CUBN: variants seen among roughly 807,000 people sequenced by gnomAD.
The protein encoded by CUBN is cubilin, also known as 460 kDa receptor.
In CUBN, 282 loss-of-function variants were observed where a neutral mutation model predicts 405.3. The ratio of observed to expected loss-of-function variants is 0.70; its 90% CI spans 0.63 to 0.77. CUBN has a LOEUF of 0.77. Ranked by LOEUF, CUBN falls within the 30% of genes least tolerant of loss-of-function variation. The pLI, the probability that CUBN is intolerant of heterozygous loss-of-function variation, is 0.00. For missense variants in CUBN, 4,514 were observed against 4,475.2 expected (o/e 1.01, Z -0.25); for synonymous variants, 1,684 against 1,617.0 (o/e 1.04, Z -0.99).
rs1320524546 is a variant in CUBN at position 17,008,463 on chromosome 10, T to TGTGTGTGTGTGC, written c.4168+11369_4168+11370insGCACACACACAC. Among the ~76,000 whole-genome samples the TGTGTGTGTGTGC allele has an allele frequency of 9.6e-5, 14 of 145,660 alleles. No homozygotes were observed. In the South Asian group the frequency reaches 2.8e-3, roughly 30 times the overall value. On this transcript the variant is annotated intron_variant, in intron 28 of 66. Transcript: ENST00000377833. The stretch of plus-strand genomic sequence containing the variant: ...GTGTGTGTGTGTGTGTGTGTGTGTG[T>TGTGTGTGTGTGC]GCGCGCTTAGCCACATTATGTGCTT...
At chr10:16,983,609 T>C (rs1304777914) in intron 30 of CUBN, among the ~76,000 whole-genome samples, 1 of 152,242 alleles carries the variant, frequency 6.6e-6, no homozygotes, top group African/African-American at 2.4e-5. Flanking sequence ...TTGCATATGC[T>C]AACATCTGTT....
intron 21 of CUBN, among the ~76,000 whole-genome samples, chr10:17,066,002 T>C (rs940398185): frequency 1.3e-5 from 2 of 152,196 alleles, no homozygotes; most frequent in African/African-American, 2.4e-5. Context: ...GAGTCATCTC[T>C]CTAATCTAAA....
At chr10:17,122,500 C>T in intron 6 of CUBN, 1 of 455,304 alleles carries the variant, frequency 2.2e-6, no homozygotes, top group Non-Finnish European at 4.3e-6. Context: ...AAGTCTTCAG[C>T]TCCTTTTGCA....
At chr10:16,832,750 G>A (rs10904824) in intron 64 of CUBN, among the ~76,000 whole-genome samples, 20,133 of 152,134 alleles carry the variant, frequency 0.13, 1,564 homozygotes, top group African/African-American at 0.21. Context: ...CTTGAAAGGG[G>A]AGGTGAAGGC....
intron 38 of CUBN, among the ~76,000 whole-genome samples, 171 bp downstream of exon 38, chr10:16,938,792 T>C (rs1374159077): frequency 6.6e-6 from 1 of 152,060 alleles, no homozygotes; most frequent in Non-Finnish European, 1.5e-5. Context: ...ATAAATACAA[T>C]ACTGAAATTG....
At chr10:17,015,749 T>C (rs540559215) in intron 28 of CUBN, among the ~76,000 whole-genome samples, 64 of 152,308 alleles carry the variant, frequency 4.2e-4, no homozygotes, top group African/African-American at 1.4e-3. Flanking sequence ...CTTCCAGTGA[T>C]TGCCTCAGCA....
intron 59 of CUBN, among the ~76,000 whole-genome samples, chr10:16,867,594 G>T (rs1251608717): frequency 6.6e-6 from 1 of 152,172 alleles, no homozygotes; most frequent in Non-Finnish European, 1.5e-5. Context: ...CATTTATGCA[G>T]ATGAAAAAGA....
At chr10:16,940,956 C>G (rs1006192870) in intron 36 of CUBN, among the ~76,000 whole-genome samples, 13 of 152,242 alleles carry the variant, frequency 8.5e-5, no homozygotes, top group Admixed American at 7.9e-4. Flanking sequence ...TGAATGTGAC[C>G]TATTCAACTT....
rs552757380 is a variant in CUBN, at chr10:16,858,902, T to C, written c.9455-7459A>G. 2.0e-5 allele frequency among the ~76,000 whole-genome samples: 3 copies of C among 152,352 alleles called. No homozygotes were observed. The East Asian group carries it at 5.8e-4, about 29-fold the overall frequency. ...GGACAGCCTTTTCAACCAATGGTGC[T>C]AGAGCAATTGGACATCCAGAGGCAA... On this transcript the variant is annotated intron_variant, in intron 59 of 66. Coordinates refer to ENST00000377833, the MANE Select transcript of CUBN (RefSeq NM_001081.4).
intron 54 of CUBN, among the ~76,000 whole-genome samples, chr10:16,896,211 T>C (rs974246902): frequency 2.0e-5 from 3 of 152,208 alleles, no homozygotes; most frequent in Non-Finnish European, 4.4e-5. Flanking sequence ...ACAAGCTTTA[T>C]GGGGAAAAGG....
chr10:17,095,674 CA>C (rs2131291390), intron 14 of CUBN, among the ~76,000 whole-genome samples: 1 of 152,078 alleles, frequency 6.6e-6, no homozygotes, highest in African/African-American at 2.4e-5. Flanking sequence ...ATATTTAAAA[CA>C]ATATGGAGGT....
At position 16,939,104 on chromosome 10, in the gene CUBN, G is replaced by A; in HGVS notation, c.5592C>T (p.Ala1864=). Residue 1864 remains alanine (A), a synonymous_variant, in exon 38 of 67, where the codon GCC becomes GCT. Coordinates refer to ENST00000377833, the MANE Select transcript of CUBN (RefSeq NM_001081.4). ...DNIVGTHGKV[A]SPFWPENYPH... is the part of the protein sequence containing the mutation. Reference sequence around the variant, plus strand: ...GGTAGTTTTCAGGCCAGAAAGGAGAGGCGACTTTCCCATGAGTTCCCACAA... The same window carrying A: ...GGTAGTTTTCAGGCCAGAAAGGAGAAGCGACTTTCCCATGAGTTCCCACAA... 1 of 1,613,942 alleles carries A rather than the reference G, an allele frequency of 6.2e-7. No homozygotes were observed. Among genetic ancestry groups the A allele is most frequent in the East Asian group, 2.2e-5 (1 of 44,864 alleles).
intron 22 of CUBN, among the ~76,000 whole-genome samples, chr10:17,064,345 A>AT (rs1835565739): frequency 1.3e-5 from 2 of 152,162 alleles, no homozygotes; most frequent in Non-Finnish European, 2.9e-5. Context: ...ATTGGGTAAG[A>AT]TTTTGAGTGG....
chr10:17,065,748 T>A, intron 21 of CUBN, 110 bp from the exon 22 acceptor site: 1 of 1,280,032 alleles, frequency 7.8e-7, no homozygotes, highest in Non-Finnish European at 1.1e-6. Flanking sequence ...GTTCTCTACC[T>A]CTCATCAACC....
intron 41 of CUBN, among the ~76,000 whole-genome samples, 200 bp downstream of exon 41, chr10:16,927,957 C>T (rs371795552): frequency 4.4e-4 from 67 of 152,098 alleles, no homozygotes; most frequent in Admixed American, 3.7e-3. Context: ...CACTTTTGTA[C>T]GACTTGGCCC....
intron 28 of CUBN, among the ~76,000 whole-genome samples, chr10:17,004,414 T>G (rs963620353): frequency 1.3e-5 from 2 of 152,232 alleles, no homozygotes; most frequent in East Asian, 1.9e-4. Context: ...CCTCACCTAA[T>G]TTTTATACTG....
In CUBN at chr10:16,989,271, C is replaced by T. The variant is rs547460719; in HGVS notation, c.4350+1063G>A. 2.0e-5 allele frequency among the ~76,000 whole-genome samples: 3 copies of T among 151,326 alleles called. No individual in the cohort carries two copies. The South Asian group carries it at 6.2e-4, about 32-fold the overall frequency. ...CAAAGTATACATAATAAATGTGTTACATACATGTAACTATATATAACATAT... is the reference window on the plus strand; with the variant it reads ...CAAAGTATACATAATAAATGTGTTATATACATGTAACTATATATAACATAT... On this transcript the variant is annotated intron_variant, in intron 29 of 66. Coordinates refer to ENST00000377833, the MANE Select transcript of CUBN (RefSeq NM_001081.4).
intron 27 of CUBN, among the ~76,000 whole-genome samples, chr10:17,028,716 G>A (rs1834727589): frequency 1.3e-5 from 2 of 148,150 alleles, no homozygotes; most frequent in South Asian, 4.2e-4. Context: ...GTGAGACTCT[G>A]TCTCAAAAAA....
chr10:16,918,110 G>C (rs1308812916), intron 45 of CUBN, among the ~76,000 whole-genome samples: 2 of 152,096 alleles, frequency 1.3e-5, no homozygotes, highest in South Asian at 2.1e-4. Context: ...GTAGGTGTGA[G>C]ACCGTATTTC....
Sources: allele counts gnomAD v4.1 joint callset (sites outside exome capture counted in the v4.1 genomes callset), GRCh38; gene constraint gnomAD v4.1.1; transcripts MANE v1.5; gene names NCBI Gene and HGNC (gene_info 2026-07-23, HGNC 2026-07-21).